FREM3: variants seen among roughly 807,000 people sequenced by gnomAD.
The protein encoded by FREM3 is FRAS1-related extracellular matrix protein 3.
FREM3 carries 105 observed loss-of-function variants against 129.1 expected under a neutral mutation model. The observed-to-expected ratio is 0.81, with a 90% CI of 0.69 to 0.96. The LOEUF (loss-of-function observed/expected upper bound fraction) is 0.96. Ranked by LOEUF, FREM3 falls within the 40% of genes least tolerant of loss-of-function variation. The pLI is 0.00. For synonymous variants in FREM3, 1,014 were observed against 1,044.9 expected, an observed-to-expected ratio of 0.97 and a Z score of 0.57; for missense variants, 2,593 against 2,666.3, an observed-to-expected ratio of 0.97 and a Z score of 0.61.
intron 2 of FREM3, among the ~76,000 whole-genome samples, chr4:143,676,024 C>T (rs1272796107): frequency 6.6e-6 from 1 of 152,162 alleles, no homozygotes; most frequent in Non-Finnish European, 1.5e-5. Context: ...AGAGTGAATC[C>T]TCCCTAACTC....
intron 2 of FREM3, among the ~76,000 whole-genome samples, chr4:143,660,639 A>G (rs1419198321): frequency 1.3e-5 from 2 of 152,206 alleles, no homozygotes; most frequent in East Asian, 1.9e-4. Context: ...TGGTAGCTTG[A>G]TGGGCATGGC....
intron 2 of FREM3, among the ~76,000 whole-genome samples, chr4:143,687,729 A>G (rs1022411654): frequency 2.6e-5 from 4 of 152,194 alleles, no homozygotes; most frequent in Non-Finnish European, 4.4e-5. Context: ...AATACATGTG[A>G]TACACCACAT....
intron 2 of FREM3, chr4:143,645,020 G>A (rs1274987097): frequency 2.0e-5 from 3 of 152,322 alleles, no homozygotes; most frequent in Non-Finnish European, 4.4e-5. Flanking sequence ...CTGGGGATAA[G>A]CATCACTAGT....
chr4:143,693,199 T>A lies in FREM3; in HGVS notation c.5189A>T (p.Asp1730Val). ...ATAGGATATCTTCATCTCATCAATG[T>A]CAGCTAAAAAAAAAGCAACCATCAC... ...NQSTRVFTQA[D>V]IDEMKISYVL... is the part of the protein sequence containing the mutation. The change falls in exon 2 of 8, where the codon GAC becomes GTC. Residue 1730 changes from aspartate (D) to valine (V), a missense_variant. Physicochemically the swap from Asp to Val is radical, Grantham distance 152 (BLOSUM62 -3). Around this residue, in one of 2 missense-constraint regions of FREM3, gnomAD observed 2,276 missense variants for 2,267.2 expected, o/e 1.00. Coordinates refer to ENST00000329798, the MANE Select transcript of FREM3 (RefSeq NM_001168235.2). The A allele has an allele frequency of 6.7e-7, 1 of 1,485,996 alleles. No individual in the cohort carries two copies. Among genetic ancestry groups the A allele is most frequent in the Non-Finnish European group, 8.9e-7 (1 of 1,117,512 alleles). The allele number at this position is 1,485,996 out of a possible 1,614,324, so 92.1% of individuals were successfully genotyped here.
Position 143,699,784 on chromosome 4 carries a change from C to T in FREM3, c.892G>A (p.Gly298Ser). Residue 298 changes from glycine to serine, a missense_variant, in exon 1 of 8, where the codon GGC becomes AGC. Gly to Ser is a moderately conservative substitution (Grantham distance 56). Around this residue, in one of 2 missense-constraint regions of FREM3, gnomAD observed 2,276 missense variants for 2,267.2 expected, o/e 1.00. Coordinates refer to ENST00000329798, the MANE Select transcript of FREM3 (RefSeq NM_001168235.2). The surrounding 1 kb of genome is among the most constrained non-coding windows in gnomAD (Gnocchi z 4.2). The part of the protein sequence containing the change: ...EHFQLLVRIR[G>S]GAENTPPRPS... ...CTGGGCGGTGTGTTCTCGGCTCCGC[C>T]GCGGATCCTCACGAGCAGCTGGAAG... The T allele has an allele frequency of 6.5e-7, 1 of 1,535,186 alleles. No homozygotes were observed. Among genetic ancestry groups the T allele is most frequent in the Non-Finnish European group, 8.7e-7 (1 of 1,146,128 alleles).
intron 2 of FREM3, among the ~76,000 whole-genome samples, chr4:143,679,438 G>T (rs115012443): frequency 1.3e-5 from 2 of 152,158 alleles, no homozygotes; most frequent in Non-Finnish European, 2.9e-5. Context: ...TGGCTGGACT[G>T]CTGGATAACT....
chr4:143,698,120 C>G lies in FREM3; in HGVS notation c.2556G>C (p.Leu852=). The part of the protein sequence containing the change: ...GGSFNLSSNE[L]HVTDPDTDID... ...TGTCTGTGTCTGGGTCTGTAACATG[C>G]AGCTCATTACTGCTGAGGTTAAAGC... Residue 852 remains leucine (L), a synonymous_variant, in exon 1 of 8, where the codon CTG becomes CTC. Transcript: ENST00000329798. The G allele has an allele frequency of 6.5e-7, 1 of 1,537,452 alleles. No homozygotes were observed. Among genetic ancestry groups the G allele is most frequent in the Non-Finnish European group, 8.7e-7 (1 of 1,146,962 alleles).
intron 1 of FREM3, among the ~76,000 whole-genome samples, chr4:143,694,268 T>C (rs72940299): frequency 0.066 from 10,111 of 152,298 alleles, 924 homozygotes; most frequent in African/African-American, 0.19. Flanking sequence ...TGGCCCTCTA[T>C]GGAGAGCCAG....
chr4:143,608,243 C>T (rs1471624957), intron 6 of FREM3, among the ~76,000 whole-genome samples: 1 of 152,148 alleles, frequency 6.6e-6, no homozygotes, highest in Non-Finnish European at 1.5e-5. Flanking sequence ...CGTTAATGAC[C>T]AAAGGACTTG....
intron 5 of FREM3, among the ~76,000 whole-genome samples, chr4:143,615,802 A>G (rs906946769): frequency 1.3e-5 from 2 of 151,960 alleles, no homozygotes; most frequent in African/African-American, 2.4e-5. Context: ...CCAACCTGAA[A>G]TCCCATAACC....
rs1462198361 is a variant in FREM3, at chr4:143,627,612, A to G, written c.5422+2T>C. On this transcript the variant is annotated splice_donor_variant, in intron 3 of 7. Coordinates refer to ENST00000329798, the MANE Select transcript of FREM3 (RefSeq NM_001168235.2). LOFTEE classifies it high-confidence loss of function. ...ACCAACAACCAATCCAAAGTTACTTACTGATAAATGATGTTTCTCCAAGGT... is the reference window on the plus strand; with the variant it reads ...ACCAACAACCAATCCAAAGTTACTTGCTGATAAATGATGTTTCTCCAAGGT... 1 of 1,535,348 alleles carries G rather than the reference A, an allele frequency of 6.5e-7. No homozygotes were observed. Among genetic ancestry groups the G allele is most frequent in the Admixed American group, 2.0e-5 (1 of 50,970 alleles).
rs1000479293 is a variant in FREM3 at position 143,607,741 on chromosome 4, C to T, written c.6028+3538G>A. On this transcript the variant is annotated intron_variant, in intron 6 of 7. Transcript: ENST00000329798. The stretch of plus-strand genomic sequence containing the variant: ...TTGGTTTCTTATATAGACGTTTCCT[C>T]CAGAAACAATACTGATGGTATTAGT... Among the ~76,000 whole-genome samples the T allele has an allele frequency of 2.6e-5, 4 of 152,146 alleles. No individual in the cohort carries two copies. In the South Asian group the frequency reaches 6.2e-4, roughly 24 times the overall value.
At chr4:143,604,206 A>C (rs1279402826) in intron 6 of FREM3, among the ~76,000 whole-genome samples, 4 of 151,994 alleles carry the variant, frequency 2.6e-5, no homozygotes, top group African/African-American at 9.7e-5. Context: ...GACCTTCTTG[A>C]GGCCCTCACC....
At chr4:143,662,580 C>A (rs1324185711) in intron 2 of FREM3, among the ~76,000 whole-genome samples, 1 of 150,628 alleles carries the variant, frequency 6.6e-6, no homozygotes. Flanking sequence ...GTGGAGAGTT[C>A]TGTAGATGTC....
intron 2 of FREM3, among the ~76,000 whole-genome samples, chr4:143,634,253 A>G (rs1739196046): frequency 6.6e-6 from 1 of 152,166 alleles, no homozygotes; most frequent in African/African-American, 2.4e-5. Context: ...ATTCAGGAGT[A>G]ATTATTATGC....
In FREM3 at chr4:143,577,336, A is replaced by C. The variant is rs1738056521; in HGVS notation, c.*275T>G. 1 of 482,738 alleles carries C rather than the reference A, an allele frequency of 2.1e-6. No homozygotes were observed. Among genetic ancestry groups the C allele is most frequent in the Non-Finnish European group, 3.6e-6 (1 of 277,218 alleles). 29.9% of individuals were successfully genotyped at this position (482,738 alleles called of 1,614,324 possible). Reference sequence around the variant, plus strand: ...CTTAACTTTTGATTTAATTGATCACAGTGGATTTCTTACTTGCCTCAGAAA... The same window carrying C: ...CTTAACTTTTGATTTAATTGATCACCGTGGATTTCTTACTTGCCTCAGAAA... On this transcript the variant is annotated 3_prime_UTR_variant, in exon 8 of 8. Coordinates refer to ENST00000329798, the MANE Select transcript of FREM3 (RefSeq NM_001168235.2).
Position 143,585,775 on chromosome 4 carries a change from C to T in FREM3, c.6178+69G>A. The T allele has an allele frequency of 6.8e-7, 1 of 1,462,224 alleles. No homozygotes were observed. The highest frequency in any genetic ancestry group is 9.2e-7 in the Non-Finnish European group (1 of 1,091,058). 90.6% of individuals were successfully genotyped at this position (1,462,224 alleles called of 1,614,324 possible). On this transcript the variant is annotated intron_variant, in intron 7 of 7. Coordinates refer to ENST00000329798, the MANE Select transcript of FREM3 (RefSeq NM_001168235.2). This position sits in a 1 kb window ranked among gnomAD's most constrained non-coding sequence, Gnocchi z 4.2. ...TCAACAAAGACTAAGCATGCTTACA[C>T]TTAACAGACTAGACTCCACCATAAA...
chr4:143,666,894 C>T (rs923137199), intron 2 of FREM3, among the ~76,000 whole-genome samples: 14 of 151,812 alleles, frequency 9.2e-5, no homozygotes, highest in African/African-American at 3.4e-4. Context: ...TATTTTACCA[C>T]AATGTAAAAA....
At chr4:143,580,546 T>C (rs1738112387) in intron 7 of FREM3, among the ~76,000 whole-genome samples, 1 of 152,168 alleles carries the variant, frequency 6.6e-6, no homozygotes, top group African/African-American at 2.4e-5. Flanking sequence ...GGTACCAGCC[T>C]CTGGAGCTCC....
Sources: allele counts gnomAD v4.1 joint callset (sites outside exome capture counted in the v4.1 genomes callset), GRCh38; gene constraint gnomAD v4.1.1; regional missense constraint gnomAD v4.1.1; non-coding constraint Gnocchi (gnomAD v3.1); transcripts MANE v1.5; gene names NCBI Gene and HGNC (gene_info 2026-07-23, HGNC 2026-07-21).